The following ARB2A variants were observed in gnomAD, a reference collection of about 807,000 sequenced individuals.
ARB2A encodes ARB2 cotranscriptional regulator A.
chr5:93,899,752 A>C, the ARB2A span, among the ~76,000 whole-genome samples: 3 of 152,208 alleles, frequency 2.0e-5, no homozygotes, highest in Admixed American at 1.3e-4. Context: ...GGTTAAACAG[A>C]AGAAGCCGGT....
the ARB2A span, among the ~76,000 whole-genome samples, chr5:93,811,342 ACTGT>A: frequency 2.0e-5 from 3 of 152,144 alleles, no homozygotes; most frequent in African/African-American, 7.2e-5. Context: ...TGATTTGGAG[ACTGT>A]CTAATTTTAC....
At chr5:93,752,883 A>G in the ARB2A span, among the ~76,000 whole-genome samples, 1 of 152,214 alleles carries the variant, frequency 6.6e-6, no homozygotes, top group African/African-American at 2.4e-5. Flanking sequence ...ATTATAAGGT[A>G]GCATACAACA....
chr5:93,887,485 G>C, the ARB2A span, among the ~76,000 whole-genome samples: 1 of 151,726 alleles, frequency 6.6e-6, no homozygotes, highest in East Asian at 1.9e-4. Flanking sequence ...TACGTGTTCG[G>C]CATCTGTATA....
the ARB2A span, among the ~76,000 whole-genome samples, chr5:94,051,262 G>A: frequency 2.6e-5 from 4 of 152,168 alleles, no homozygotes; most frequent in Admixed American, 1.3e-4. Context: ...ATCTGCCACT[G>A]GGGATTCATA....
chr5:93,717,746 C>T, the ARB2A span, among the ~76,000 whole-genome samples: 17 of 151,624 alleles, frequency 1.1e-4, no homozygotes, highest in African/African-American at 3.9e-4. Flanking sequence ...GAATTTCACT[C>T]GTAGATTAAG....
chr5:93,924,799 T>C, the ARB2A span, among the ~76,000 whole-genome samples: 1 of 152,178 alleles, frequency 6.6e-6, no homozygotes, highest in African/African-American at 2.4e-5. Flanking sequence ...TAGCTGGGCA[T>C]GCAACATTGT....
the ARB2A span, among the ~76,000 whole-genome samples, chr5:93,774,097 T>C: frequency 1.3e-5 from 2 of 152,220 alleles, no homozygotes; most frequent in Non-Finnish European, 1.5e-5. Flanking sequence ...TCTTGAATGT[T>C]ACTACTGTAA....
At chr5:94,015,149 C>G in the ARB2A span, among the ~76,000 whole-genome samples, 1 of 152,022 alleles carries the variant, frequency 6.6e-6, no homozygotes, top group South Asian at 2.1e-4. Context: ...AAAGCAGCAA[C>G]AGAAAAGAAG....
chr5:94,078,029 G>T, the ARB2A span, among the ~76,000 whole-genome samples: 1 of 152,182 alleles, frequency 6.6e-6, no homozygotes, highest in South Asian at 2.1e-4. Flanking sequence ...CTTCTTATTT[G>T]CCCCGTTGGC....
At chr5:93,977,963 G>A in the ARB2A span, among the ~76,000 whole-genome samples, 10 of 152,074 alleles carry the variant, frequency 6.6e-5, no homozygotes, top group East Asian at 3.9e-4. Context: ...AAAGGTCCAC[G>A]TTTGAACAGT....
chr5:94,070,458 A>C, the ARB2A span, among the ~76,000 whole-genome samples: 1 of 152,146 alleles, frequency 6.6e-6, no homozygotes, highest in Non-Finnish European at 1.5e-5. Context: ...ACAAAGTATT[A>C]TATATTTCAA....
At chr5:93,881,354 A>G in the ARB2A span, 1 of 762,056 alleles carries the variant, frequency 1.3e-6, no homozygotes, top group Non-Finnish European at 2.0e-6. Flanking sequence ...ACTATGGGAA[A>G]TAAATGATGA....
chr5:94,053,105 A>AT, the ARB2A span: 3 of 1,350,276 alleles, frequency 2.2e-6, no homozygotes, highest in Non-Finnish European at 3.1e-6. Context: ...AGATAGATAG[A>AT]TAGATAGATA....
chr5:93,628,787 T>C, the ARB2A span, among the ~76,000 whole-genome samples: 4 of 152,236 alleles, frequency 2.6e-5, no homozygotes, highest in Non-Finnish European at 5.9e-5. Flanking sequence ...GTTAGGGTCT[T>C]GGTCTGGATT....
chr5:93,852,697 T>C, the ARB2A span, among the ~76,000 whole-genome samples: 1 of 152,188 alleles, frequency 6.6e-6, no homozygotes, highest in Non-Finnish European at 1.5e-5. Flanking sequence ...CCCAGCACCA[T>C]TTATTAAATA....
chr5:94,004,397 T>C, the ARB2A span, among the ~76,000 whole-genome samples: 1 of 151,884 alleles, frequency 6.6e-6, no homozygotes, highest in African/African-American at 2.4e-5. Context: ...TTGGCTAACA[T>C]GGTGAAACCC....
At chr5:93,830,311 GTATATATATATATATATATATA>G in the ARB2A span, among the ~76,000 whole-genome samples, 140 of 82,274 alleles carry the variant, frequency 1.7e-3, 1 homozygote, top group African/African-American at 7.0e-3. Flanking sequence ...GTGTGTGTGT[GTATATATATATATATATATATA>G]TATATATATA....
chr5:93,996,755 G>A, the ARB2A span, among the ~76,000 whole-genome samples: 1 of 151,878 alleles, frequency 6.6e-6, no homozygotes, highest in Non-Finnish European at 1.5e-5. Context: ...ACATAAATTT[G>A]TTGTTATATT....
chr5:93,872,043 G>A, the ARB2A span, among the ~76,000 whole-genome samples: 3 of 149,978 alleles, frequency 2.0e-5, no homozygotes, highest in Admixed American at 6.7e-5. Flanking sequence ...CTGCCTCCCC[G>A]GTTCAAGCAA....
Sources: allele counts gnomAD v4.1 joint callset (sites outside exome capture counted in the v4.1 genomes callset), GRCh38; gene constraint gnomAD v4.1.1; transcripts MANE v1.5; gene names NCBI Gene and HGNC (gene_info 2026-07-23, HGNC 2026-07-21).